The following THSD4 variants were observed in gnomAD, a reference collection of about 807,000 sequenced individuals.
The protein encoded by THSD4 is thrombospondin type-1 domain-containing protein 4.
A neutral mutation model predicts 119.0 loss-of-function variants in THSD4; 69 were observed. The ratio of observed to expected loss-of-function variants is 0.58; its 90% CI spans 0.48 to 0.71. The LOEUF is 0.71. THSD4 is among the 30% of genes least tolerant of loss of function. The probability of loss-of-function intolerance (pLI) is 0.00; values close to 1 mark genes in which losing one functional copy is unlikely to be tolerated. For missense variants in THSD4, 1,393 were observed against 1,391.1 expected, an observed-to-expected ratio of 1.00 and a Z score of -0.02; for synonymous variants, 524 against 540.4, an observed-to-expected ratio of 0.97 and a Z score of 0.42.
At chr15:71,132,523 G>T (rs2141362943) in intron 1 of THSD4, among the ~76,000 whole-genome samples, 1 of 152,270 alleles carries the variant, frequency 6.6e-6, no homozygotes, top group African/African-American at 2.4e-5. Context: ...AACATCAAAA[G>T]GTTTAATGGT....
At position 71,758,081 on chromosome 15, in the gene THSD4, T is replaced by C; in HGVS notation, c.2589+6T>C. 6.4e-7 allele frequency: 1 copy of C among 1,561,418 alleles called. No homozygotes were observed. The highest frequency in any genetic ancestry group is 8.7e-7 in the Non-Finnish European group (1 of 1,151,588). On this transcript the variant is annotated splice_donor_region_variant and intron_variant, in intron 15 of 17. Coordinates refer to ENST00000261862, the MANE Select transcript of THSD4 (RefSeq NM_024817.3). The stretch of plus-strand genomic sequence containing the variant: ...TTGCCGGGAGCTGGAGTCAGGTGAG[T>C]GGCCAGAACTGGGTATGTCTGCCTG...
intron 8 of THSD4, among the ~76,000 whole-genome samples, chr15:71,689,017 G>A (rs561179465): frequency 6.6e-6 from 1 of 152,210 alleles, no homozygotes; most frequent in African/African-American, 2.4e-5. Context: ...GTCCATCTTT[G>A]GCTGGCAGGC....
intron 6 of THSD4, among the ~76,000 whole-genome samples, chr15:71,322,141 C>T: frequency 6.6e-6 from 1 of 151,810 alleles, no homozygotes; most frequent in Admixed American, 6.6e-5. Context: ...TGGAATTTAG[C>T]CTGGAAGGTA....
chr15:71,348,178 G>T (rs1256904198), intron 6 of THSD4: 7 of 152,152 alleles, frequency 4.6e-5, no homozygotes, highest in Non-Finnish European at 8.8e-5. Context: ...TCAGTTCCAG[G>T]TTGTCTTTTC....
intron 7 of THSD4, among the ~76,000 whole-genome samples, chr15:71,494,347 T>G (rs1485411371): frequency 6.6e-6 from 1 of 152,088 alleles, no homozygotes; most frequent in African/African-American, 2.4e-5. Flanking sequence ...CCCTTCCAAG[T>G]TGGGAAACCT....
Position 71,605,678 on chromosome 15 carries a change from G to T in THSD4, c.1153-54852G>T, listed in dbSNP as rs373883515. 1.1e-4 allele frequency among the ~76,000 whole-genome samples: 16 copies of T among 152,332 alleles called. No individual in the cohort carries two copies. The East Asian group carries it at 1.9e-3, about 18-fold the overall frequency. On this transcript the variant is annotated intron_variant, in intron 7 of 17. Coordinates refer to ENST00000261862, the MANE Select transcript of THSD4 (RefSeq NM_024817.3). Reference sequence around the variant, plus strand: ...AGGAAAGATCGAGAACTAGATTTTAGACTGTAAAGTTTCTAGGGCCTTTTG... The same window carrying T: ...AGGAAAGATCGAGAACTAGATTTTATACTGTAAAGTTTCTAGGGCCTTTTG...
rs56080459 is a variant in THSD4, at chr15:71,741,684, T to TACACAC, written c.1907-3383_1907-3378dup. ...GCCCATATACACCCATGTGTGCATG[T>TACACAC]ACACACACACACACACACACACACA... is the stretch of plus-strand genomic sequence containing the variant. On this transcript the variant is annotated intron_variant, in intron 11 of 17. Transcript: ENST00000261862. 6.9e-3 allele frequency among the ~76,000 whole-genome samples: 1,011 copies of TACACAC among 145,822 alleles called. 11 individuals are homozygous for TACACAC. Among genetic ancestry groups the TACACAC allele is most frequent in the African/African-American group, 0.023 (903 of 38,888 alleles).
chr15:71,282,482 CA>C (rs11290911), intron 6 of THSD4, among the ~76,000 whole-genome samples: 150,888 of 152,254 alleles, frequency 0.99, 74,780 homozygotes, highest in Middle Eastern at 1. Flanking sequence ...CTGTAGCTGT[CA>C]ACAGTCCTGT....
intron 7 of THSD4, among the ~76,000 whole-genome samples, chr15:71,466,386 T>G (rs1332917780): frequency 6.7e-6 from 1 of 149,974 alleles, no homozygotes; most frequent in Non-Finnish European, 1.5e-5. Context: ...GGAGAAGCTG[T>G]AACAGAGAAA....
chr15:71,717,208 T>C (rs191904147), intron 8 of THSD4, among the ~76,000 whole-genome samples: 7 of 152,286 alleles, frequency 4.6e-5, no homozygotes, highest in Non-Finnish European at 8.8e-5. Flanking sequence ...ACTGACACTG[T>C]GGACTATAAC....
At chr15:71,470,683 C>T (rs1256893096) in intron 7 of THSD4, among the ~76,000 whole-genome samples, 2 of 150,992 alleles carry the variant, frequency 1.3e-5, no homozygotes, top group Non-Finnish European at 1.5e-5. Flanking sequence ...GGCCAGACTG[C>T]GGACTGCAGT....
chr15:71,196,916 T>G (rs926685844), intron 3 of THSD4, among the ~76,000 whole-genome samples: 1 of 152,198 alleles, frequency 6.6e-6, no homozygotes, highest in African/African-American at 2.4e-5. Flanking sequence ...TTGTCAAGAC[T>G]GCCATACATT....
At chr15:71,409,158 C>CTT (rs1419986738) in intron 6 of THSD4, among the ~76,000 whole-genome samples, 1,511 of 89,066 alleles carry the variant, frequency 0.017, 26 homozygotes, top group African/African-American at 0.061. Flanking sequence ...TTTTTTTTCC[C>CTT]CCCCCCTCAG....
chr15:71,467,690 T>G (rs1337819072), intron 7 of THSD4, among the ~76,000 whole-genome samples: 1 of 151,954 alleles, frequency 6.6e-6, no homozygotes, highest in Non-Finnish European at 1.5e-5. Flanking sequence ...GGTGATATGG[T>G]TTGGCTGTGT....
At chr15:71,768,718 C>T (rs1267962204) in intron 16 of THSD4, among the ~76,000 whole-genome samples, 1 of 151,142 alleles carries the variant, frequency 6.6e-6, no homozygotes. Context: ...GTGCCCACCA[C>T]CATGCACGGC....
intron 7 of THSD4, among the ~76,000 whole-genome samples, chr15:71,658,558 G>T (rs2051235540): frequency 6.6e-6 from 1 of 152,134 alleles, no homozygotes; most frequent in Admixed American, 6.5e-5. Context: ...TTGATAACAT[G>T]GGTTCTACTA....
intron 7 of THSD4, among the ~76,000 whole-genome samples, chr15:71,647,504 T>C (rs970835120): frequency 6.6e-6 from 1 of 152,236 alleles, no homozygotes; most frequent in Non-Finnish European, 1.5e-5. Flanking sequence ...AATATTCATA[T>C]TGGATGTATC....
At chr15:71,722,848 A>G (rs1232058576) in intron 8 of THSD4, among the ~76,000 whole-genome samples, 4 of 152,204 alleles carry the variant, frequency 2.6e-5, no homozygotes, top group Admixed American at 6.5e-5. Flanking sequence ...TTTTATGTAT[A>G]TATTTTCTGT....
intron 6 of THSD4, among the ~76,000 whole-genome samples, chr15:71,379,044 A>T (rs1296335709): frequency 6.6e-6 from 1 of 152,222 alleles, no homozygotes; most frequent in Non-Finnish European, 1.5e-5. Context: ...TTGGCCTCCC[A>T]AAGCGCTGGG....
Sources: allele counts gnomAD v4.1 joint callset (sites outside exome capture counted in the v4.1 genomes callset), GRCh38; gene constraint gnomAD v4.1.1; transcripts MANE v1.5; gene names NCBI Gene and HGNC (gene_info 2026-07-23, HGNC 2026-07-21).